The following ADH7 variants were observed in gnomAD, a reference collection of about 807,000 sequenced individuals.
The protein encoded by ADH7 is all-trans-retinol dehydrogenase [NAD(+)] ADH7.
Under a neutral mutation model 34.4 loss-of-function variants are expected in ADH7, and 41 were observed. The ratio of observed to expected loss-of-function variants is 1.19; its 90% CI spans 0.93 to 1.55. ADH7 has a LOEUF of 1.55. Ranked by LOEUF, ADH7 falls within the 40% of genes most tolerant of loss-of-function variation. ADH7 has a pLI of 0.00. For missense variants in ADH7, 540 were observed against 461.2 expected (o/e 1.17, Z -1.56); for synonymous variants, 180 against 160.9 (o/e 1.12, Z -0.90).
intron 1 of ADH7, among the ~76,000 whole-genome samples, chr4:99,432,381 G>T (rs1219883781): frequency 6.6e-6 from 1 of 151,814 alleles, no homozygotes; most frequent in Non-Finnish European, 1.5e-5. Flanking sequence ...TTATTATCTG[G>T]GTGACAAAAT....
chr4:99,421,450 G>A (rs1037472991), intron 5 of ADH7, among the ~76,000 whole-genome samples: 2 of 152,196 alleles, frequency 1.3e-5, no homozygotes, highest in Non-Finnish European at 2.9e-5. Flanking sequence ...CTAGCCATAT[G>A]CAGAAAACTC....
chr4:99,429,634 C>G lies in ADH7; in HGVS notation c.19-1G>C. ...GCACAGCTGCTTTGCATTTAATAACCTAAGAAATAGGCAAGTATTATAATG... is the reference window on the plus strand; with the variant it reads ...GCACAGCTGCTTTGCATTTAATAACGTAAGAAATAGGCAAGTATTATAATG... On this transcript the variant is annotated splice_acceptor_variant, in intron 1 of 8. Transcript: ENST00000437033. LOFTEE classifies it high-confidence loss of function. The G allele has an allele frequency of 1.2e-6, 2 of 1,604,496 alleles. No individual in the cohort carries two copies. The highest frequency in any genetic ancestry group is 1.7e-6 in the Non-Finnish European group (2 of 1,174,114).
chr4:99,417,316 G>C (rs1224396423), intron 7 of ADH7, among the ~76,000 whole-genome samples: 4 of 152,054 alleles, frequency 2.6e-5, no homozygotes, highest in Non-Finnish European at 5.9e-5. Context: ...CTGTTCTTCT[G>C]TCCTCACTCT....
chr4:99,420,861 C>G lies in ADH7; in HGVS notation c.565-68G>C, dbSNP rs1156567341. The G allele has an allele frequency of 2.0e-6, 3 of 1,484,678 alleles. No homozygotes were observed. In the African/African-American group the frequency reaches 4.2e-5, roughly 21 times the overall value. 92.0% of individuals were successfully genotyped at this position (1,484,678 alleles called of 1,614,324 possible). On this transcript the variant is annotated intron_variant, in intron 5 of 8. Coordinates refer to ENST00000437033, the MANE Select transcript of ADH7 (RefSeq NM_000673.7). ...AAAAAGTGAAACCTGAAAAGGGCCT[C>G]CAGTTAAAAACACAAATCATGAGTG...
chr4:99,429,483 A>G (rs754921239), intron 2 of ADH7, 49 bp downstream of exon 2: 3 of 1,374,362 alleles, frequency 2.2e-6, no homozygotes, highest in South Asian at 1.2e-5. Flanking sequence ...TATATTCAAT[A>G]TAAGTTTGAT....
intron 5 of ADH7, among the ~76,000 whole-genome samples, chr4:99,425,276 A>G (rs532641191): frequency 2.6e-5 from 4 of 152,200 alleles, no homozygotes; most frequent in Non-Finnish European, 5.9e-5. Context: ...AATTCGATAA[A>G]CAGTCGAGAC....
chr4:99,432,016 C>T (rs952203102), intron 1 of ADH7, among the ~76,000 whole-genome samples: 3 of 152,094 alleles, frequency 2.0e-5, no homozygotes, highest in Non-Finnish European at 4.4e-5. Context: ...CATATGCATG[C>T]GTATGTTCAC....
In ADH7 at chr4:99,433,341, G is replaced by A. The variant is rs903360031; in HGVS notation, c.18+1875C>T. On this transcript the variant is annotated intron_variant, in intron 1 of 8. Transcript: ENST00000437033. ...AAAAATGTTTAAGATGGAAAAATAGGATAAAATATTTGTATATTGTATGAG... is the reference window on the plus strand; with the variant it reads ...AAAAATGTTTAAGATGGAAAAATAGAATAAAATATTTGTATATTGTATGAG... 2.6e-5 allele frequency among the ~76,000 whole-genome samples: 4 copies of A among 152,094 alleles called. No individual in the cohort carries two copies. In the South Asian group the frequency reaches 8.3e-4, roughly 31 times the overall value.
At chr4:99,425,165 A>C (rs34682744) in intron 5 of ADH7, among the ~76,000 whole-genome samples, 1 of 152,072 alleles carries the variant, frequency 6.6e-6, no homozygotes, top group Non-Finnish European at 1.5e-5. Flanking sequence ...TGAGCAAAAT[A>C]ACCAGCTAAC....
intron 1 of ADH7, among the ~76,000 whole-genome samples, chr4:99,431,086 C>T (rs1721928975): frequency 6.6e-6 from 1 of 152,202 alleles, no homozygotes; most frequent in Non-Finnish European, 1.5e-5. Flanking sequence ...GTGTGAGCCA[C>T]TGTGCCTGGC....
At chr4:99,414,813 G>A (rs1396093379) in intron 8 of ADH7, among the ~76,000 whole-genome samples, 3 of 152,066 alleles carry the variant, frequency 2.0e-5, no homozygotes, top group Admixed American at 6.6e-5. Flanking sequence ...GTAAAATAAG[G>A]AAATTTTGTG....
chr4:99,426,214 C>A (rs1721801080), intron 5 of ADH7, among the ~76,000 whole-genome samples: 1 of 151,984 alleles, frequency 6.6e-6, no homozygotes, highest in African/African-American at 2.4e-5. Context: ...AAAATCACAG[C>A]AGAACTGAAG....
At chr4:99,419,730 T>C (rs992699755) in intron 6 of ADH7, among the ~76,000 whole-genome samples, 1 of 152,182 alleles carries the variant, frequency 6.6e-6, no homozygotes, top group Non-Finnish European at 1.5e-5. Flanking sequence ...CAGTATCACA[T>C]ATGGCTTCAA....
In ADH7 at chr4:99,420,596, C is replaced by T. The variant is rs1389473816; in HGVS notation, c.762G>A (p.Leu254=). Residue 254 remains leucine (L), a synonymous_variant, in exon 6 of 9, where the codon CTG becomes CTA. Transcript: ENST00000437033. ...KDSTKPISEV[L]SEMTGNNVGY... ...CCACGTTGTTGCCTGTCATTTCTGA[C>T]AGCACCTCACTGATGGGTTTGGTAG... 2.5e-6 allele frequency: 4 copies of T among 1,613,920 alleles called. No individual in the cohort carries two copies. Among genetic ancestry groups the T allele is most frequent in the Non-Finnish European group, 3.4e-6 (4 of 1,179,930 alleles).
rs1721447771 is a variant in ADH7, at chr4:99,413,158, A to G, written c.1115T>C (p.Leu372Pro). ...CTGCCACTTTGGATCTCAAAACGTC[A>G]GGACCGTTCGAATGCTGAAATGTAA... is the stretch of plus-strand genomic sequence containing the variant. ...LNSGQSIRTV[L>P]TF Residue 372 changes from leucine to proline, a missense_variant, in exon 9 of 9, where the codon CTG becomes CCG. Coordinates refer to ENST00000437033, the MANE Select transcript of ADH7 (RefSeq NM_000673.7). 1 of 1,613,644 alleles carries G rather than the reference A, an allele frequency of 6.2e-7. No individual in the cohort carries two copies. Among genetic ancestry groups the G allele is most frequent in the Non-Finnish European group, 8.5e-7 (1 of 1,179,634 alleles).
chr4:99,419,773 T>C (rs927816791), intron 6 of ADH7, among the ~76,000 whole-genome samples: 2 of 152,172 alleles, frequency 1.3e-5, no homozygotes, highest in Non-Finnish European at 2.9e-5. Flanking sequence ...TTTGTTGATA[T>C]GAAATAAATC....
rs1378144028 is a variant in ADH7, at chr4:99,413,122, A to G, written c.*26T>C. 1.2e-6 allele frequency: 2 copies of G among 1,613,346 alleles called. No homozygotes were observed. The highest frequency in any genetic ancestry group is 1.1e-5 in the South Asian group (1 of 91,034). ...AGAGAAACTCCAGTTCACCATGACA[A>G]CACAGACCTCCTGCCACTTTGGATC... is the stretch of plus-strand genomic sequence containing the variant. On this transcript the variant is annotated 3_prime_UTR_variant, in exon 9 of 9. Transcript: ENST00000437033.
At chr4:99,421,204 G>T (rs189104050) in intron 5 of ADH7, among the ~76,000 whole-genome samples, 1 of 152,030 alleles carries the variant, frequency 6.6e-6, no homozygotes, top group East Asian at 1.9e-4. Flanking sequence ...ACAATCCTAA[G>T]CCAAAAAAAC....
chr4:99,428,524 C>T lies in ADH7; in HGVS notation c.227G>A (p.Ser76Asn), dbSNP rs1244371989. The T allele has an allele frequency of 1.2e-6, 2 of 1,613,804 alleles. No individual in the cohort carries two copies. Among genetic ancestry groups the T allele is most frequent in the South Asian group, 1.1e-5 (1 of 91,008 alleles). The change falls in exon 3 of 9, where the codon AGC becomes AAC. Residue 76 changes from serine to asparagine, a missense_variant. Coordinates refer to ENST00000437033, the MANE Select transcript of ADH7 (RefSeq NM_000673.7). ...CACTGTAGTCACTCCTTCTCCAATGCTCTCTACAATCCCAGTTGCCTCATG... is the reference window on the plus strand; with the variant it reads ...CACTGTAGTCACTCCTTCTCCAATGTTCTCTACAATCCCAGTTGCCTCATG... ...VGHEATGIVESIGEGVTTVKP... is the reference protein window; with the variant it reads ...VGHEATGIVENIGEGVTTVKP...
Sources: allele counts gnomAD v4.1 joint callset (sites outside exome capture counted in the v4.1 genomes callset), GRCh38; gene constraint gnomAD v4.1.1; transcripts MANE v1.5; gene names NCBI Gene and HGNC (gene_info 2026-07-23, HGNC 2026-07-21).